The following ZNF768 variants were observed in gnomAD, a reference collection of about 807,000 sequenced individuals.
ZNF768 encodes the protein zinc finger protein 768.
In ZNF768, 12 loss-of-function variants were observed where a neutral mutation model predicts 39.7. The observed-to-expected ratio is 0.30, with a 90% CI of 0.19 to 0.49. The LOEUF is 0.49. Among genes scored for constraint, ZNF768 ranks in the 20% least tolerant of loss-of-function variants. The pLI, the probability that ZNF768 is intolerant of heterozygous loss-of-function variation, is 0.99. For missense variants in ZNF768, 613 were observed against 723.2 expected (o/e 0.85, Z 1.75); for synonymous variants, 360 against 288.4 (o/e 1.25, Z -2.52).
At chr16:30,531,715 A>C (rs1316090064), upstream of ZNF768, 1 of 152,282 alleles carries the variant, frequency 6.6e-6, no homozygotes, top group Non-Finnish European at 1.5e-5. Flanking sequence ...CCTTGAGCCC[A>C]GCAGGTCTAG....
chr16:30,526,582 C>T (rs2151215705), upstream of ZNF768: 1 of 1,030,836 alleles, frequency 9.7e-7, no homozygotes. Flanking sequence ...CCGCGCCTCT[C>T]CAGCGCGCCG....
chr16:30,524,116 T>G lies in ZNF768; in HGVS notation c.*401A>C. 1 of 175,756 alleles carries G rather than the reference T, an allele frequency of 5.7e-6. No individual in the cohort carries two copies. The highest frequency in any genetic ancestry group is 1.2e-5 in the Non-Finnish European group (1 of 83,980). The allele number at this position is 175,756 out of a possible 1,614,324, so 10.9% of individuals were successfully genotyped here. On this transcript the variant is annotated 3_prime_UTR_variant, in exon 2 of 2. Coordinates refer to ENST00000380412, the MANE Select transcript of ZNF768 (RefSeq NM_024671.4). ...CCCAGGCCCCACCCCGGGGCCCCAC[T>G]CCCCACCCCACCTACCTTTTACCCG...
At chr16:30,527,064 C>CA, upstream of ZNF768, 1 of 985,416 alleles carries the variant, frequency 1.0e-6, no homozygotes, top group East Asian at 1.1e-4. Flanking sequence ...TGCGTGTGGC[C>CA]AAGGGCGAGG....
chr16:30,524,346 C>G lies in ZNF768; in HGVS notation c.*171G>C. ...GCCGGCCTGGCCTCCCTCCAACCCA[C>G]TTCCCACAAGTCTCCAGGGCATGTC... On this transcript the variant is annotated 3_prime_UTR_variant, in exon 2 of 2. Transcript: ENST00000380412. The G allele has an allele frequency of 8.5e-7, 1 of 1,174,792 alleles. No homozygotes were observed. The highest frequency in any genetic ancestry group is 1.2e-6 in the Non-Finnish European group (1 of 867,656). The allele number at this position is 1,174,792 out of a possible 1,614,324, so 72.8% of individuals were successfully genotyped here.
In ZNF768 at chr16:30,525,833, T is replaced by C; in HGVS notation, c.307A>G (p.Arg103Gly). 6.5e-7 allele frequency: 1 copy of C among 1,533,790 alleles called. No homozygotes were observed. Reference protein sequence around the residue: ...LVPPSPEFAPRSPESDSQSPE... With the variant: ...LVPPSPEFAPGSPESDSQSPE... The stretch of plus-strand genomic sequence containing the variant: ...CTCTGAGAATCTGATTCAGGGCTTC[T>C]GGGTGCAAACTCAGGGCTTGGGGGC... The change falls in exon 2 of 2, where the codon AGA (arginine) becomes GGA (glycine). Residue 103 changes from arginine (R) to glycine (G), a missense_variant. This residue lies in a region of ZNF768 where 347 missense variants were observed against 326.1 expected (regional missense o/e 1.06). Coordinates refer to ENST00000380412, the MANE Select transcript of ZNF768 (RefSeq NM_024671.4).
chr16:30,525,653 A>T lies in ZNF768; in HGVS notation c.487T>A (p.Phe163Ile), dbSNP rs1180287453. The change falls in exon 2 of 2, where the codon TTT (phenylalanine) becomes ATT (isoleucine). Residue 163 changes from phenylalanine to isoleucine, a missense_variant. By Grantham distance (21) the Phe-to-Ile change is conservative (BLOSUM62 0). Transcript: ENST00000380412. ...TGGAATTTGGAACTTTGAGCTTCAA[A>T]TTCTGGGCTTTGGGTTTTGAGCTCA... ...NTELKTQSPE[F>I]EAQSSKFQEG... The T allele has an allele frequency of 6.2e-7, 1 of 1,614,108 alleles. No homozygotes were observed. The highest frequency in any genetic ancestry group is 8.5e-7 in the Non-Finnish European group (1 of 1,180,048).
chr16:30,527,363 A>T, upstream of ZNF768: 1 of 964,438 alleles, frequency 1.0e-6, no homozygotes, highest in African/African-American at 1.8e-5. Context: ...GATAGTTGCC[A>T]AGGAGACAGC....
chr16:30,530,891 C>T (rs2051364811), upstream of ZNF768: 1 of 152,324 alleles, frequency 6.6e-6, no homozygotes, highest in African/African-American at 2.4e-5. The surrounding 1 kb of genome is among the most constrained non-coding windows in gnomAD (Gnocchi z 4.4). Context: ...CGTGGCTGGA[C>T]TCTGCCCACA....
upstream of ZNF768, chr16:30,531,066 A>G (rs1184767719): frequency 6.6e-6 from 1 of 152,296 alleles, no homozygotes. Flanking sequence ...AAAGACAGCA[A>G]AGATGGTGCG....
upstream of ZNF768, chr16:30,526,586 C>T: frequency 2.0e-6 from 2 of 1,025,240 alleles, no homozygotes; most frequent in Non-Finnish European, 2.3e-6. Context: ...GCCTCTCCAG[C>T]GCGCCGGGCC....
At position 30,525,510 on chromosome 16, in the gene ZNF768, C is replaced by T. The variant is rs769389051; in HGVS notation, c.630G>A (p.Leu210=). 23 of 1,614,190 alleles carry T rather than the reference C, an allele frequency of 1.4e-5. No individual in the cohort carries two copies. In the East Asian group the frequency reaches 5.1e-4, roughly 36 times the overall value. ...QGFGEQPTGD[L]PIGPPFEMPT... is the part of the protein sequence containing the mutation. ...GCATCTCAAAAGGTGGCCCTATGGG[C>T]AGGTCCCCTGTGGGCTGCTCCCCAA... Residue 210 remains leucine (L), a synonymous_variant, in exon 2 of 2, where the codon CTG becomes CTA. Transcript: ENST00000380412.
Position 30,526,552 on chromosome 16 carries a change from C to A in ZNF768, c.-139G>T, listed in dbSNP as rs1257357322. 21 of 1,068,316 alleles carry A rather than the reference C, an allele frequency of 2.0e-5. No individual in the cohort carries two copies. The highest frequency in any genetic ancestry group is 3.4e-5 in the African/African-American group (2 of 58,886). 66.2% of individuals were successfully genotyped at this position (1,068,316 alleles called of 1,614,324 possible). On this transcript the variant is annotated 5_prime_UTR_variant, in exon 1 of 2. Coordinates refer to ENST00000380412, the MANE Select transcript of ZNF768 (RefSeq NM_024671.4). The stretch of plus-strand genomic sequence containing the variant: ...GACTCGGCGGCCCAGCCCGGGCCCC[C>A]GAGGCCGGACGTCTTGACCCCGCGC...
At position 30,524,364 on chromosome 16, in the gene ZNF768, G is replaced by A. The variant is rs776850817; in HGVS notation, c.*153C>T. ...CAACCCACTTCCCACAAGTCTCCAG[G>A]GCATGTCACTTCCTCCACCCTGGTT... On this transcript the variant is annotated 3_prime_UTR_variant, in exon 2 of 2. Coordinates refer to ENST00000380412, the MANE Select transcript of ZNF768 (RefSeq NM_024671.4). 2.5e-5 allele frequency: 32 copies of A among 1,280,174 alleles called. No homozygotes were observed. Among genetic ancestry groups the A allele is most frequent in the Non-Finnish European group, 3.1e-5 (30 of 957,954 alleles). The allele number at this position is 1,280,174 out of a possible 1,614,324, so 79.3% of individuals were successfully genotyped here.
At chr16:30,529,662 A>T (rs1287777770), upstream of ZNF768, among the ~76,000 whole-genome samples, 1 of 152,156 alleles carries the variant, frequency 6.6e-6, no homozygotes, top group Non-Finnish European at 1.5e-5. Context: ...GACATTGGGG[A>T]CAGGCCCTGG....
rs375997726 is a variant in ZNF768, at chr16:30,524,486, C to T, written c.*31G>A. On this transcript the variant is annotated 3_prime_UTR_variant, in exon 2 of 2. Coordinates refer to ENST00000380412, the MANE Select transcript of ZNF768 (RefSeq NM_024671.4). ...AGCTCCCTGGCCCCTTATCTTCTGC[C>T]CACACCTCCCACCCCTGCTGGGGCC... 8 of 1,582,458 alleles carry T rather than the reference C, an allele frequency of 5.1e-6. No individual in the cohort carries two copies. Among genetic ancestry groups the T allele is most frequent in the Non-Finnish European group, 6.0e-6 (7 of 1,169,168 alleles).
At chr16:30,531,690 T>C, upstream of ZNF768, 1 of 152,328 alleles carries the variant, frequency 6.6e-6, no homozygotes, top group Non-Finnish European at 1.5e-5. Flanking sequence ...TCTGAGAGGC[T>C]GGGGCAGGAG....
At chr16:30,526,290 G>T (rs966267715) in intron 1 of ZNF768, 36 bp downstream of exon 1, 8 of 1,606,922 alleles carry the variant, frequency 5.0e-6, no homozygotes, top group African/African-American at 2.7e-5. Flanking sequence ...TCTCCTGCGC[G>T]CAAGTCCACT....
At position 30,525,576 on chromosome 16, in the gene ZNF768, G is replaced by A. The variant is rs150059456; in HGVS notation, c.564C>T (p.Ile188=). 53 of 1,614,136 alleles carry A rather than the reference G, an allele frequency of 3.3e-5. No individual in the cohort carries two copies. The highest frequency in any genetic ancestry group is 2.1e-4 in the South Asian group (19 of 91,090). ...LNPEEKSPLN[I]SVGVHPLDSF... ...AGTCCAGGGGGTGAACTCCTACGGAGATATTCAAAGGACTCTTTTCCTCGG... is the reference window on the plus strand; with the variant it reads ...AGTCCAGGGGGTGAACTCCTACGGAAATATTCAAAGGACTCTTTTCCTCGG... The change falls in exon 2 of 2, where the codon ATC becomes ATT. Residue 188 remains isoleucine, a synonymous_variant. Coordinates refer to ENST00000380412, the MANE Select transcript of ZNF768 (RefSeq NM_024671.4).
At chr16:30,526,899 C>T (rs2051333179), upstream of ZNF768, 1 of 983,758 alleles carries the variant, frequency 1.0e-6, no homozygotes, top group South Asian at 4.7e-5. Context: ...AACTCGTTGG[C>T]ATTAACCCTG....
Sources: allele counts gnomAD v4.1 joint callset (sites outside exome capture counted in the v4.1 genomes callset), GRCh38; gene constraint gnomAD v4.1.1; regional missense constraint gnomAD v4.1.1; non-coding constraint Gnocchi (gnomAD v3.1); transcripts MANE v1.5; gene names NCBI Gene and HGNC (gene_info 2026-07-23, HGNC 2026-07-21).